Variants in CTNNA1 observed in about 807,000 individuals in gnomAD.
CTNNA1 encodes the protein catenin alpha-1.
Under a neutral mutation model 98.4 loss-of-function variants are expected in CTNNA1, and 37 were observed. The observed-to-expected ratio is 0.38, with a 90% confidence interval of 0.29 to 0.49. The LOEUF (loss-of-function observed/expected upper bound fraction) is 0.49, where lower values mean the gene tolerates loss of function less well. Ranked by LOEUF, CTNNA1 falls within the 20% of genes least tolerant of loss-of-function variation. The probability of loss-of-function intolerance (pLI) is 0.95; values close to 1 mark genes in which losing one functional copy is unlikely to be tolerated. For synonymous variants in CTNNA1, 404 were observed against 413.2 expected (o/e 0.98, Z 0.27); for missense variants, 761 against 1,147.2 (o/e 0.66, Z 4.86).
At position 138,929,303 on chromosome 5, in the gene CTNNA1, A is replaced by C. The variant is rs1580896125; in HGVS notation, c.1957A>C (p.Arg653=). ...FETEDFDVRS[R]TSVQTEDDQL... is the part of the protein sequence containing the mutation. ...GACAGAAGATTTTGATGTCAGAAGC[A>C]GGACGAGCGTCCAGACAGAAGACGA... The change falls in exon 14 of 18, where the codon AGG becomes CGG. Residue 653 remains arginine, a synonymous_variant. Transcript: ENST00000302763. 1.2e-6 allele frequency: 2 copies of C among 1,612,874 alleles called. No homozygotes were observed. Among genetic ancestry groups the C allele is most frequent in the Non-Finnish European group, 8.5e-7 (1 of 1,178,806 alleles).
Position 138,873,947 on chromosome 5 carries a change from A to G in CTNNA1, c.1063-12265A>G. The G allele has an allele frequency of 6.2e-7, 1 of 1,613,994 alleles. No homozygotes were observed. The highest frequency in any genetic ancestry group is 1.1e-5 in the South Asian group (1 of 91,082). Reference sequence around the variant, plus strand: ...CTCTAGGTGAAGCTCTCTCAGTTTAATTAATCCTGCAAATCCATTGCGAGC... The same window carrying G: ...CTCTAGGTGAAGCTCTCTCAGTTTAGTTAATCCTGCAAATCCATTGCGAGC... On this transcript the variant is annotated intron_variant, in intron 7 of 17. Transcript: ENST00000302763. The surrounding 1 kb of genome is among the most constrained non-coding windows in gnomAD (Gnocchi z 6.1).
At chr5:138,795,783 G>C (rs1756902484) in intron 3 of CTNNA1, among the ~76,000 whole-genome samples, 2 of 151,886 alleles carry the variant, frequency 1.3e-5, no homozygotes, top group South Asian at 4.2e-4. Context: ...TCTACTCCCT[G>C]GGTAGAATTA....
intron 11 of CTNNA1, among the ~76,000 whole-genome samples, chr5:138,922,358 G>C (rs1382442103): frequency 6.6e-6 from 1 of 152,196 alleles, no homozygotes; most frequent in East Asian, 1.9e-4. Context: ...CTATTCAGTA[G>C]GGTACTATGC....
intron 1 of CTNNA1, among the ~76,000 whole-genome samples, chr5:138,772,410 T>C (rs1753647475): frequency 1.3e-5 from 2 of 152,340 alleles, no homozygotes; most frequent in Non-Finnish European, 1.5e-5. Context: ...GAAGGAGTGC[T>C]CTGTAAGTTA....
intron 7 of CTNNA1, among the ~76,000 whole-genome samples, chr5:138,884,138 T>C (rs903430192): frequency 2.0e-5 from 3 of 152,094 alleles, no homozygotes; most frequent in Admixed American, 1.3e-4. Context: ...ACATGTAAGG[T>C]GTACATTGGT....
intron 17 of CTNNA1, chr5:138,933,082 C>G (rs959288455): frequency 1.5e-6 from 1 of 680,952 alleles, no homozygotes; most frequent in Non-Finnish European, 2.7e-6. Flanking sequence ...TGCAGTGAGC[C>G]GAGATGGCAC....
intron 1 of CTNNA1, among the ~76,000 whole-genome samples, chr5:138,776,787 G>A (rs1321561451): frequency 6.7e-6 from 1 of 149,616 alleles, no homozygotes; most frequent in Non-Finnish European, 1.5e-5. Context: ...CGGGGCGGCT[G>A]GCCAGGCGGG....
chr5:138,924,685 A>G lies in CTNNA1; in HGVS notation c.1722A>G (p.Glu574=). The G allele has an allele frequency of 6.3e-7, 1 of 1,587,502 alleles. No individual in the cohort carries two copies. Among genetic ancestry groups the G allele is most frequent in the Non-Finnish European group, 8.6e-7 (1 of 1,166,396 alleles). Residue 574 remains glutamate (E), a synonymous_variant, in exon 12 of 18, where the codon GAA becomes GAG. Transcript: ENST00000302763. Reference sequence around the variant, plus strand: ...GAGTCTACACAGAGAAGGTTCTGGAAGCCACTAAGCTGCTCTCCAACACAG... The same window carrying G: ...GAGTCTACACAGAGAAGGTTCTGGAGGCCACTAAGCTGCTCTCCAACACAG... ...EPGVYTEKVL[E]ATKLLSNTVM...
intron 3 of CTNNA1, among the ~76,000 whole-genome samples, chr5:138,792,427 A>G (rs1271475749): frequency 6.6e-6 from 1 of 152,194 alleles, no homozygotes; most frequent in Non-Finnish European, 1.5e-5. Context: ...ACCCACATCT[A>G]CTATAGGCAG....
intron 7 of CTNNA1, among the ~76,000 whole-genome samples, chr5:138,867,984 G>T (rs1764957087): frequency 1.3e-5 from 2 of 151,920 alleles, no homozygotes; most frequent in Non-Finnish European, 2.9e-5. Flanking sequence ...ACTCTTGACC[G>T]CAGGTGATCC....
intron 3 of CTNNA1, among the ~76,000 whole-genome samples, chr5:138,805,338 G>A (rs535621114): frequency 8.8e-4 from 134 of 152,304 alleles, no homozygotes; most frequent in Non-Finnish European, 1.5e-3. Flanking sequence ...CTGCCAGACT[G>A]TCTTCCAAAG....
intron 1 of CTNNA1, among the ~76,000 whole-genome samples, chr5:138,781,112 G>A (rs1008304477): frequency 2.0e-5 from 3 of 152,144 alleles, no homozygotes; most frequent in African/African-American, 7.2e-5. Context: ...TAAACATTAT[G>A]TTTTAATAGA....
At chr5:138,877,452 T>C (rs886841980) in intron 7 of CTNNA1, among the ~76,000 whole-genome samples, 10 of 151,078 alleles carry the variant, frequency 6.6e-5, no homozygotes, top group Non-Finnish European at 1.5e-4. Flanking sequence ...TTTTTTTTTT[T>C]TTTTTTGAGA....
intron 7 of CTNNA1, among the ~76,000 whole-genome samples, chr5:138,844,745 T>C (rs1762563201): frequency 6.6e-6 from 1 of 152,168 alleles, no homozygotes; most frequent in Non-Finnish European, 1.5e-5. Flanking sequence ...TTTATTATTA[T>C]AAAGCACTAG....
At chr5:138,818,023 C>T (rs1034458526) in intron 5 of CTNNA1, among the ~76,000 whole-genome samples, 13 of 152,062 alleles carry the variant, frequency 8.5e-5, no homozygotes, top group African/African-American at 1.2e-4. Context: ...CCTGCGCCCC[C>T]GCCCCCACAA....
chr5:138,931,854 C>T (rs925807440), intron 16 of CTNNA1: 3 of 985,380 alleles, frequency 3.0e-6, no homozygotes, highest in Non-Finnish European at 3.6e-6. Flanking sequence ...GTACTTTGCT[C>T]CAGCCTCACT....
chr5:138,890,466 C>A (rs569379302), intron 9 of CTNNA1, among the ~76,000 whole-genome samples: 9 of 152,240 alleles, frequency 5.9e-5, no homozygotes, highest in African/African-American at 2.2e-4. Flanking sequence ...TTTCAGTAAT[C>A]CACTAGAACA....
At chr5:138,921,595 G>GTTTTT (rs1561747317) in intron 11 of CTNNA1, among the ~76,000 whole-genome samples, 1 of 107,276 alleles carries the variant, frequency 9.3e-6, no homozygotes, top group African/African-American at 4.0e-5. Flanking sequence ...GATTAGTGGT[G>GTTTTT]ATTTTTTTTT....
intron 5 of CTNNA1, among the ~76,000 whole-genome samples, chr5:138,814,968 A>T (rs4835702): frequency 1.3e-5 from 2 of 151,894 alleles, no homozygotes; most frequent in African/African-American, 4.8e-5. Context: ...TGGCCAGGCT[A>T]CTCTTGAACT....
Sources: gnomAD v4.1 joint callset for allele counts (sites outside exome capture counted in the v4.1 genomes callset) on GRCh38, gnomAD v4.1.1 for gene constraint, Gnocchi (gnomAD v3.1) non-coding constraint, MANE v1.5 for transcripts, NCBI Gene and HGNC (gene_info 2026-07-23, HGNC 2026-07-21) for gene names.